STXBP2: variants seen among roughly 807,000 people sequenced by gnomAD.
The protein encoded by STXBP2 is syntaxin binding protein 2.
In STXBP2, 47 loss-of-function variants were observed where a neutral mutation model predicts 72.2. That is an observed-to-expected ratio of 0.65 (90% CI 0.51 to 0.83). The LOEUF is 0.83. Ranked by LOEUF, STXBP2 falls within the 40% of genes least tolerant of loss-of-function variation. The pLI is 0.00. For missense variants in STXBP2, 702 were observed against 807.6 expected, an observed-to-expected ratio of 0.87 and a Z score of 1.58; for synonymous variants, 367 against 338.7, an observed-to-expected ratio of 1.08 and a Z score of -0.92.
intron 6 of STXBP2, among the ~76,000 whole-genome samples, 186 bp from the exon 7 acceptor site, chr19:7,641,518 TG>T (rs1278301830): frequency 6.6e-6 from 1 of 152,132 alleles, no homozygotes; most frequent in Non-Finnish European, 1.5e-5. Context: ...GGACACGGGC[TG>T]GGGTATTTAT....
In STXBP2 at chr19:7,642,776, G is replaced by A. The variant is rs747993326; in HGVS notation, c.913G>A (p.Glu305Lys). Residue 305 changes from glutamate to lysine, a missense_variant, in exon 11 of 19, where the codon GAG becomes AAG. Glu to Lys is a moderately conservative substitution (Grantham distance 56). Transcript: ENST00000221283. This position sits in a 1 kb window ranked among gnomAD's most constrained non-coding sequence, Gnocchi z 6.0. Reference sequence around the variant, plus strand: ...CACCCTCATGGCCAGGAAGGTCACGGAGCTCCTGAGGACCTTCTGTGAGAG... The same window carrying A: ...CACCCTCATGGCCAGGAAGGTCACGAAGCTCCTGAGGACCTTCTGTGAGAG... ...HIADVSKKVTELLRTFCESKR... is the reference protein window; with the variant it reads ...HIADVSKKVTKLLRTFCESKR... 4 of 1,613,850 alleles carry A rather than the reference G, an allele frequency of 2.5e-6. No individual in the cohort carries two copies. In the South Asian group the frequency reaches 4.4e-5, roughly 18 times the overall value.
intron 6 of STXBP2, 56 bp from the exon 7 acceptor site, chr19:7,641,649 G>A (rs2031880024): frequency 1.9e-6 from 3 of 1,546,590 alleles, no homozygotes; most frequent in Non-Finnish European, 2.6e-6. Flanking sequence ...GCGGGAAGCG[G>A]GGCAGGTGTG....
the STXBP2 span, chr19:7,630,942 G>T: frequency 2.8e-6 from 4 of 1,444,094 alleles, no homozygotes; most frequent in Non-Finnish European, 3.8e-6. Context: ...AGGCGCAGTG[G>T]CTCATGCTTG....
rs761105342 is a variant in STXBP2 at position 7,642,565 on chromosome 19, C to G, written c.902+29C>G. On this transcript the variant is annotated intron_variant, in intron 10 of 18. Transcript: ENST00000221283. The surrounding 1 kb of genome is among the most constrained non-coding windows in gnomAD (Gnocchi z 6.0). ...CGTGCACACGGGGACCGGATCCCCC[C>G]CCCACCGCCCACTGTGGGCCTGGTA... 3 of 1,610,180 alleles carry G rather than the reference C, an allele frequency of 1.9e-6. No individual in the cohort carries two copies. The highest frequency in any genetic ancestry group is 2.5e-6 in the Non-Finnish European group (3 of 1,177,040).
rs943482251 is a variant in STXBP2 at position 7,640,391 on chromosome 19, C to A, written c.247-340C>A. On this transcript the variant is annotated intron_variant, in intron 4 of 18. Transcript: ENST00000221283. ...GCGTGTGTGTGCGCATCAGTGTCTG[C>A]ATGTGTGTATATGTGTGTATGTATG... is the stretch of plus-strand genomic sequence containing the variant. 4.7e-5 allele frequency: 27 copies of A among 568,986 alleles called. 1 individual carries two copies. In the African/African-American group the frequency reaches 5.6e-4, roughly 12 times the overall value. The allele number at this position is 568,986 out of a possible 1,614,324, so 35.2% of individuals were successfully genotyped here.
intron 6 of STXBP2, 31 bp downstream of exon 6, chr19:7,641,034 T>TG: frequency 3.1e-6 from 5 of 1,609,064 alleles, no homozygotes; most frequent in Non-Finnish European, 4.2e-6. Flanking sequence ...GGGCAGGGGG[T>TG]GGGGGTTTGT....
chr19:7,630,653 G>T, the STXBP2 span: 4 of 1,536,962 alleles, frequency 2.6e-6, no homozygotes, highest in Admixed American at 5.9e-5. Flanking sequence ...ATGTCATACA[G>T]CGCAAGGTGG....
chr19:7,636,980 C>T (rs992169327), upstream of STXBP2: 36 of 699,984 alleles, frequency 5.1e-5, no homozygotes, highest in Non-Finnish European at 7.2e-5. Context: ...CCGTCCTCCC[C>T]GCCAGGGACT....
chr19:7,632,571 C>T (rs956878544), upstream of STXBP2: 3 of 1,603,778 alleles, frequency 1.9e-6, no homozygotes, highest in East Asian at 6.7e-5. The surrounding 1 kb of genome is among the most constrained non-coding windows in gnomAD (Gnocchi z 5.2). Context: ...GGGCCCCCAA[C>T]CCTACCCCTT....
rs368158412 is a variant in STXBP2 at position 7,642,850 on chromosome 19, G to C, written c.960+27G>C. 1.2e-4 allele frequency: 186 copies of C among 1,613,980 alleles called. No homozygotes were observed. Among genetic ancestry groups the C allele is most frequent in the Non-Finnish European group, 1.5e-4 (175 of 1,180,004 alleles). On this transcript the variant is annotated intron_variant, in intron 11 of 18. Transcript: ENST00000221283. The surrounding 1 kb of genome is among the most constrained non-coding windows in gnomAD (Gnocchi z 6.0). ...TAGGGGCGGACCCAGGTCACCAAAG[G>C]CGCTGGTGGAAGGAAGCCCCCCTCC...
At chr19:7,645,546 C>G (rs1044219375) in intron 15 of STXBP2, among the ~76,000 whole-genome samples, 1 of 151,942 alleles carries the variant, frequency 6.6e-6, no homozygotes, top group African/African-American at 2.4e-5. Context: ...CCAGGCTGGT[C>G]CTGGCAGTGG....
chr19:7,632,943 C>T (rs1052083470), upstream of STXBP2: 1 of 1,484,000 alleles, frequency 6.7e-7, no homozygotes, highest in African/African-American at 1.4e-5. The surrounding 1 kb of genome is among the most constrained non-coding windows in gnomAD (Gnocchi z 5.2). Flanking sequence ...CCCACTTCCT[C>T]AGCTCTCACC....
At chr19:7,633,539 G>A, upstream of STXBP2, 2 of 1,404,922 alleles carry the variant, frequency 1.4e-6, no homozygotes, top group Non-Finnish European at 2.0e-6. Flanking sequence ...CCAGGACGTG[G>A]GGGTGTGGAT....
intron 16 of STXBP2, 111 bp from the exon 17 acceptor site, chr19:7,647,051 T>C (rs1337633155): frequency 9.0e-7 from 1 of 1,112,218 alleles, no homozygotes; most frequent in South Asian, 1.3e-5. Context: ...GAGGTGGAGA[T>C]GCTGGTTCCT....
Position 7,646,314 on chromosome 19 carries a change from C to T in STXBP2, c.1422C>T (p.Arg474=), listed in dbSNP as rs2032136028. 6.2e-7 allele frequency: 1 copy of T among 1,610,926 alleles called. No individual in the cohort carries two copies. Among genetic ancestry groups the T allele is most frequent in the African/African-American group, 1.3e-5 (1 of 74,908 alleles). ...ERMEPTYQLS[R]WTPVIKDVME... is the part of the protein sequence containing the mutation. ...TGGAGCCCACCTATCAGCTGTCCCG[C>T]TGGACCCCGGTCATCAAGGATGTAA... The change falls in exon 16 of 19, where the codon CGC becomes CGT. Residue 474 remains arginine (R), a synonymous_variant. Transcript: ENST00000221283.
chr19:7,640,275 T>G (rs577108395), intron 4 of STXBP2: 1 of 554,530 alleles, frequency 1.8e-6, no homozygotes, highest in Non-Finnish European at 3.4e-6. Context: ...CGTGTATATG[T>G]ATGTGCATCT....
At chr19:7,641,112 C>T in intron 6 of STXBP2, 109 bp downstream of exon 6, 1 of 1,196,962 alleles carries the variant, frequency 8.4e-7, no homozygotes, top group Middle Eastern at 1.9e-4. Flanking sequence ...TACCTGTAAT[C>T]CCAGCGCTGT....
At chr19:7,639,132 C>G (rs376411735) in intron 3 of STXBP2, 32 bp downstream of exon 3, 9 of 1,609,280 alleles carry the variant, frequency 5.6e-6, no homozygotes, top group Non-Finnish European at 7.7e-6. Flanking sequence ...GAGATGGGAC[C>G]TGAGCGTGGG....
At chr19:7,644,856 AC>A in intron 14 of STXBP2, 104 bp downstream of exon 14, 1 of 1,564,752 alleles carries the variant, frequency 6.4e-7, no homozygotes. Context: ...ATTTGCACTC[AC>A]CGGGCTCACC....
Sources: allele counts gnomAD v4.1 joint callset (sites outside exome capture counted in the v4.1 genomes callset), GRCh38; gene constraint gnomAD v4.1.1; non-coding constraint Gnocchi (gnomAD v3.1); transcripts MANE v1.5; gene names NCBI Gene and HGNC (gene_info 2026-07-23, HGNC 2026-07-21).